LRRIQ1: variants seen among roughly 807,000 people sequenced by gnomAD.
LRRIQ1 encodes leucine rich repeats and IQ motif containing 1, also known as leucine-rich repeat- and IQ domain-containing protein 1.
A neutral mutation model predicts 211.9 loss-of-function variants in LRRIQ1; 210 were observed. The observed-to-expected ratio is 0.99, with a 90% CI of 0.89 to 1.11. The LOEUF (loss-of-function observed/expected upper bound fraction) is 1.11. Ranked by LOEUF, LRRIQ1 falls within the 50% of genes most tolerant of loss-of-function variation. The probability of loss-of-function intolerance (pLI) is 0.00; values close to 1 mark genes in which losing one functional copy is unlikely to be tolerated. For synonymous variants in LRRIQ1, 699 were observed against 650.1 expected, an observed-to-expected ratio of 1.08 and a Z score of -1.14; for missense variants, 2,136 against 1,939.5, an observed-to-expected ratio of 1.10 and a Z score of -1.90.
At chr12:85,239,749 A>G (rs1160848546) in intron 26 of LRRIQ1, among the ~76,000 whole-genome samples, 1 of 152,048 alleles carries the variant, frequency 6.6e-6, no homozygotes, top group Non-Finnish European at 1.5e-5. Flanking sequence ...AGGCCCAGGC[A>G]GGTGGATCAT....
intron 11 of LRRIQ1, among the ~76,000 whole-genome samples, chr12:85,090,269 A>G (rs115319423): frequency 0.027 from 4,176 of 152,308 alleles, 188 homozygotes; most frequent in African/African-American, 0.095. Context: ...GAGAACCTCT[A>G]CCAAAGTAGG....
chr12:85,201,948 A>G (rs940294426), intron 24 of LRRIQ1, among the ~76,000 whole-genome samples: 9 of 152,130 alleles, frequency 5.9e-5, no homozygotes, highest in Non-Finnish European at 1.3e-4. Context: ...CTTCCCTCCT[A>G]ACACTGTCTT....
intron 24 of LRRIQ1, among the ~76,000 whole-genome samples, chr12:85,176,200 TCTC>T (rs1337796235): frequency 6.6e-6 from 1 of 152,100 alleles, no homozygotes; most frequent in African/African-American, 2.4e-5. Context: ...GGTTTGTAGT[TCTC>T]CTTGAGGAGG....
rs55912271 is a variant in LRRIQ1, at chr12:85,239,356, T to TACACACACACACACAC, written c.5017-5418_5017-5403dup. Among the ~76,000 whole-genome samples, 949 of 145,120 alleles carry TACACACACACACACAC rather than the reference T, an allele frequency of 6.5e-3. 10 individuals are homozygous for TACACACACACACACAC. The highest frequency in any genetic ancestry group is 0.014 in the Middle Eastern group (4 of 286). ...ATCCCCGGTAATTGAAACTGTTTTA[T>TACACACACACACACAC]ACACACACACACACACACACACACA... On this transcript the variant is annotated intron_variant, in intron 26 of 26. Coordinates refer to ENST00000393217, the MANE Select transcript of LRRIQ1 (RefSeq NM_001079910.2).
At chr12:85,228,766 A>G (rs971236564) in intron 24 of LRRIQ1, among the ~76,000 whole-genome samples, 2 of 152,230 alleles carry the variant, frequency 1.3e-5, no homozygotes, top group Admixed American at 6.5e-5. Flanking sequence ...CAACTTGCAA[A>G]TATGTAGACT....
chr12:85,165,011 A>G (rs1891080316), intron 24 of LRRIQ1, among the ~76,000 whole-genome samples: 1 of 152,170 alleles, frequency 6.6e-6, no homozygotes, highest in African/African-American at 2.4e-5. Flanking sequence ...CCAACATGGT[A>G]ATGAAGATTT....
intron 24 of LRRIQ1, among the ~76,000 whole-genome samples, chr12:85,169,359 T>C (rs1405384309): frequency 6.6e-6 from 1 of 152,148 alleles, no homozygotes; most frequent in Non-Finnish European, 1.5e-5. Flanking sequence ...CCTTAGATAA[T>C]TGAAGATCAG....
intron 13 of LRRIQ1, among the ~76,000 whole-genome samples, chr12:85,102,962 AT>A (rs1565834257): frequency 0.045 from 4,269 of 95,458 alleles, 93 homozygotes; most frequent in South Asian, 0.097. Context: ...AAAAAAAAAT[AT>A]ATATATATAT....
intron 11 of LRRIQ1, among the ~76,000 whole-genome samples, chr12:85,095,894 C>T (rs1302341288): frequency 6.6e-6 from 1 of 151,884 alleles, no homozygotes; most frequent in African/African-American, 2.4e-5. Flanking sequence ...TTGTGTGTTT[C>T]CAAGAATTTA....
chr12:85,170,845 A>G (rs1213724927), intron 24 of LRRIQ1, among the ~76,000 whole-genome samples: 1 of 152,102 alleles, frequency 6.6e-6, no homozygotes, highest in African/African-American at 2.4e-5. Context: ...TGAGAAGCTG[A>G]TAAAAATTTT....
intron 26 of LRRIQ1, among the ~76,000 whole-genome samples, chr12:85,243,107 G>A (rs1011225902): frequency 1.3e-5 from 2 of 150,564 alleles, no homozygotes; most frequent in Admixed American, 6.7e-5. Flanking sequence ...TCTTCAGGAG[G>A]GTCCCTTATG....
At chr12:85,045,038 A>G (rs530470757) in intron 4 of LRRIQ1, among the ~76,000 whole-genome samples, 1 of 152,100 alleles carries the variant, frequency 6.6e-6, no homozygotes. Flanking sequence ...AGCCATTTAT[A>G]CCTGGCAATT....
At chr12:85,203,265 C>T (rs1565901930) in intron 24 of LRRIQ1, among the ~76,000 whole-genome samples, 1 of 152,176 alleles carries the variant, frequency 6.6e-6, no homozygotes, top group Non-Finnish European at 1.5e-5. Flanking sequence ...TGAGGTTTCC[C>T]CAGCCATGTG....
the LRRIQ1 span, among the ~76,000 whole-genome samples, chr12:85,270,124 C>T: frequency 6.6e-6 from 1 of 152,012 alleles, no homozygotes; most frequent in African/African-American, 2.4e-5. Flanking sequence ...ATTAGAGTTT[C>T]ACCATAATGA....
chr12:85,260,358 CTAAGA>C (rs1389466046), intron 1 of LRRIQ1, among the ~76,000 whole-genome samples: 10 of 151,760 alleles, frequency 6.6e-5, no homozygotes, highest in Non-Finnish European at 1.2e-4. Context: ...CATCTTTATA[CTAAGA>C]TAGTTTTATC....
chr12:85,117,615 A>C (rs781549019), intron 15 of LRRIQ1, among the ~76,000 whole-genome samples: 4 of 152,194 alleles, frequency 2.6e-5, no homozygotes, highest in African/African-American at 9.7e-5. Context: ...CCAAAGAATT[A>C]GAATAAACTG....
At chr12:85,197,689 G>C (rs1260264795) in intron 24 of LRRIQ1, among the ~76,000 whole-genome samples, 1 of 151,644 alleles carries the variant, frequency 6.6e-6, no homozygotes, top group Middle Eastern at 3.2e-3. Flanking sequence ...GGGGTGGTGG[G>C]AGTGGGGAGG....
At chr12:85,243,485 T>C (rs1895565899) in intron 26 of LRRIQ1, among the ~76,000 whole-genome samples, 3 of 150,858 alleles carry the variant, frequency 2.0e-5, no homozygotes, top group African/African-American at 2.4e-5. Context: ...GCCAGTTACA[T>C]TAAGAATGAT....
downstream of LRRIQ1, among the ~76,000 whole-genome samples, chr12:85,247,400 A>G (rs1307809986): frequency 6.6e-6 from 1 of 151,580 alleles, no homozygotes; most frequent in Non-Finnish European, 1.5e-5. Context: ...TACAGCTGTA[A>G]AACTCTTTTT....
Sources: allele counts gnomAD v4.1 joint callset (sites outside exome capture counted in the v4.1 genomes callset), GRCh38; gene constraint gnomAD v4.1.1; transcripts MANE v1.5; gene names NCBI Gene and HGNC (gene_info 2026-07-23, HGNC 2026-07-21).